Variants in EVC observed in about 807,000 individuals in gnomAD.
EVC encodes the protein EvC ciliary complex subunit 1.
Under a neutral mutation model 118.9 loss-of-function variants are expected in EVC, and 116 were observed. That is an observed-to-expected ratio of 0.98 (90% CI 0.84 to 1.14). The LOEUF (loss-of-function observed/expected upper bound fraction) is 1.14, where lower values mean the gene tolerates loss of function less well. Among genes scored for constraint, EVC ranks in the 50% most tolerant of loss-of-function variants. The pLI, the probability that EVC is intolerant of heterozygous loss-of-function variation, is 0.00. For synonymous variants in EVC, 619 were observed against 534.7 expected (o/e 1.16, Z -2.18); for missense variants, 1,401 against 1,246.4 (o/e 1.12, Z -1.87).
chr4:5,810,723 G>A (rs1716775779), intron 20 of EVC, among the ~76,000 whole-genome samples: 1 of 152,214 alleles, frequency 6.6e-6, no homozygotes, highest in Non-Finnish European at 1.5e-5. Context: ...AGCCTGAAGT[G>A]TTGGGCAGTC....
At chr4:5,783,377 G>A (rs540456131) in intron 11 of EVC, among the ~76,000 whole-genome samples, 175 bp from the exon 12 acceptor site, 45 of 152,210 alleles carry the variant, frequency 3.0e-4, no homozygotes, top group South Asian at 1.7e-3. Context: ...GTGCATGTGG[G>A]GGAGTTACTT....
Position 5,760,970 on chromosome 4 carries a change from T to G in EVC, c.1563+4608T>G, listed in dbSNP as rs187378844. Among the ~76,000 whole-genome samples the G allele has an allele frequency of 9.8e-4, 150 of 152,298 alleles. 5 individuals carry two copies. In the East Asian group the frequency reaches 0.024, roughly 24 times the overall value. The stretch of plus-strand genomic sequence containing the variant: ...CAGGTCGCCTGGCATATTTTACATT[T>G]CCTCAATTTGGAAATCATTGCCTTT... On this transcript the variant is annotated intron_variant, in intron 11 of 20. Transcript: ENST00000264956.
At chr4:5,740,484 A>G (rs1045013474) in intron 5 of EVC, among the ~76,000 whole-genome samples, 2 of 151,272 alleles carry the variant, frequency 1.3e-5, no homozygotes, top group Non-Finnish European at 2.9e-5. Flanking sequence ...AAAAAAAAAA[A>G]AAAGAAAAAG....
chr4:5,764,594 T>C (rs1732579213), intron 11 of EVC, among the ~76,000 whole-genome samples: 1 of 150,342 alleles, frequency 6.7e-6, no homozygotes. Context: ...GTTATTGGTC[T>C]ATTCAGAGAT....
intron 11 of EVC, among the ~76,000 whole-genome samples, chr4:5,774,959 C>G (rs1279406092): frequency 6.6e-6 from 1 of 152,092 alleles, no homozygotes. Flanking sequence ...TTGAGTCTTT[C>G]CAAGGAGCAG....
intron 8 of EVC, 120 bp from the exon 9 acceptor site, chr4:5,752,716 C>T (rs1338222935): frequency 6.9e-6 from 7 of 1,021,692 alleles, no homozygotes; most frequent in African/African-American, 3.1e-5. Flanking sequence ...CTCTGAGCTC[C>T]GCTCTCCCAG....
In EVC at chr4:5,745,257, G is replaced by T; in HGVS notation, c.855G>T (p.Met285Ile). ...GLQVKLSNTE[M>I]SGAGDSEYIT... Reference sequence around the variant, plus strand: ...AGGTCAAACTGTCAAACACAGAAATGTCGGGGGCTGGTGACTCTGAGTACA... The same window carrying T: ...AGGTCAAACTGTCAAACACAGAAATTTCGGGGGCTGGTGACTCTGAGTACA... Residue 285 changes from methionine (M) to isoleucine (I), a missense_variant, in exon 7 of 21, where the codon ATG (methionine) becomes ATT (isoleucine). Met to Ile is a conservative substitution (Grantham distance 10). Transcript: ENST00000264956. The T allele has an allele frequency of 6.2e-7, 1 of 1,614,074 alleles. No homozygotes were observed. Among genetic ancestry groups the T allele is most frequent in the Non-Finnish European group, 8.5e-7 (1 of 1,179,970 alleles).
chr4:5,765,577 C>A (rs1732735626), intron 11 of EVC, among the ~76,000 whole-genome samples: 1 of 131,818 alleles, frequency 7.6e-6, no homozygotes, highest in Non-Finnish European at 1.6e-5. Context: ...CTTTATGAAT[C>A]TGGGTGCTCC....
At chr4:5,745,492 T>C in intron 7 of EVC, 151 bp downstream of exon 7, 1 of 776,026 alleles carries the variant, frequency 1.3e-6, no homozygotes, top group Non-Finnish European at 2.1e-6. Context: ...TTTCTGATGC[T>C]AAGTGATAGG....
At chr4:5,818,730 A>G (rs1718045495), downstream of EVC, among the ~76,000 whole-genome samples, 1 of 152,170 alleles carries the variant, frequency 6.6e-6, no homozygotes, top group Non-Finnish European at 1.5e-5. Context: ...ACCAGCAAGA[A>G]GGCTCTCACC....
the EVC span, among the ~76,000 whole-genome samples, chr4:5,822,008 G>A: frequency 6.6e-6 from 1 of 152,212 alleles, no homozygotes; most frequent in Non-Finnish European, 1.5e-5. Context: ...GGCCTCCACA[G>A]AGTCCACTGC....
intron 16 of EVC, among the ~76,000 whole-genome samples, chr4:5,804,067 A>T (rs974589003): frequency 2.0e-5 from 3 of 151,804 alleles, no homozygotes; most frequent in African/African-American, 7.3e-5. Context: ...CCTCCCAAGT[A>T]GCTGGGATTA....
chr4:5,779,304 G>A (rs926281758), intron 11 of EVC, among the ~76,000 whole-genome samples: 5 of 152,220 alleles, frequency 3.3e-5, no homozygotes, highest in African/African-American at 1.2e-4. Context: ...TTTTGGCTTA[G>A]GATTGACTTG....
intron 1 of EVC, among the ~76,000 whole-genome samples, chr4:5,711,852 C>A (rs1368589764): frequency 1.3e-5 from 2 of 152,224 alleles, no homozygotes; most frequent in Non-Finnish European, 2.9e-5. Context: ...AGGGTTTGGA[C>A]AGGACGCTGG....
At position 5,738,412 on chromosome 4, in the gene EVC, A is replaced by G. The variant is rs909175690; in HGVS notation, c.703-3304A>G. ...AAGTTTTAAAGTTCTACTGTGGGCA[A>G]ATTGCTATCGAATAGCATGGCACGC... On this transcript the variant is annotated intron_variant, in intron 5 of 20. Coordinates refer to ENST00000264956, the MANE Select transcript of EVC (RefSeq NM_153717.3). The surrounding 1 kb of genome is among the most constrained non-coding windows in gnomAD (Gnocchi z 6.5). Among the ~76,000 whole-genome samples the G allele has an allele frequency of 6.6e-6, 1 of 152,200 alleles. No individual in the cohort carries two copies. The highest frequency in any genetic ancestry group is 1.5e-5 in the Non-Finnish European group (1 of 68,034).
chr4:5,823,461 T>G, the EVC span, among the ~76,000 whole-genome samples: 1 of 152,208 alleles, frequency 6.6e-6, no homozygotes, highest in South Asian at 2.1e-4. Context: ...GACACTAATA[T>G]GGTTTGGACT....
intron 11 of EVC, among the ~76,000 whole-genome samples, chr4:5,766,140 T>C (rs1732827456): frequency 6.9e-6 from 1 of 145,358 alleles, no homozygotes; most frequent in Non-Finnish European, 1.5e-5. Context: ...CTGTAAAGTA[T>C]TTTATTTCTC....
intron 11 of EVC, among the ~76,000 whole-genome samples, chr4:5,777,201 C>T (rs1315569786): frequency 1.3e-5 from 2 of 152,186 alleles, no homozygotes; most frequent in Non-Finnish European, 2.9e-5. Flanking sequence ...CAGATATCAG[C>T]ACCTCTAGTG....
At chr4:5,763,110 T>A (rs1560362539) in intron 11 of EVC, among the ~76,000 whole-genome samples, 2 of 82,426 alleles carry the variant, frequency 2.4e-5, no homozygotes, top group Admixed American at 1.1e-4. Context: ...CAGTTTCAGC[T>A]TTCTACATAT....
Sources: gnomAD v4.1 joint callset for allele counts (sites outside exome capture counted in the v4.1 genomes callset) on GRCh38, gnomAD v4.1.1 for gene constraint, Gnocchi (gnomAD v3.1) non-coding constraint, MANE v1.5 for transcripts, NCBI Gene and HGNC (gene_info 2026-07-23, HGNC 2026-07-21) for gene names.